LUC7L3: variants seen among roughly 807,000 people sequenced by gnomAD.
The protein encoded by LUC7L3 is LUC7 like 3 pre-mRNA splicing factor, also known as luc7-like protein 3.
In LUC7L3, 6 loss-of-function variants were observed where a neutral mutation model predicts 66.8. The ratio of observed to expected loss-of-function variants is 0.09; its 90% CI spans 0.05 to 0.18. LUC7L3 has a LOEUF of 0.18. Ranked by LOEUF, LUC7L3 falls within the 10% of genes least tolerant of loss-of-function variation. The probability of loss-of-function intolerance (pLI) is 1.00; values close to 1 mark genes in which losing one functional copy is unlikely to be tolerated. For synonymous variants in LUC7L3, 160 were observed against 174.7 expected (o/e 0.92, Z 0.66); for missense variants, 341 against 531.1 (o/e 0.64, Z 3.52).
rs770974392 is a variant in LUC7L3 at position 50,752,158 on chromosome 17, A to G, written c.*1497A>G. 27 of 1,277,750 alleles carry G rather than the reference A, an allele frequency of 2.1e-5. No homozygotes were observed. The highest frequency in any genetic ancestry group is 3.1e-5 in the African/African-American group (2 of 65,296). 79.2% of individuals were successfully genotyped at this position (1,277,750 alleles called of 1,614,324 possible). On this transcript the variant is annotated 3_prime_UTR_variant, in exon 10 of 10. Coordinates refer to ENST00000505658, the MANE Select transcript of LUC7L3 (RefSeq NM_016424.5). ...TTTCTCATAAAAATTGGCCTTTTACATGTTGTCTAATTATCATTTTTCCCC... is the reference window on the plus strand; with the variant it reads ...TTTCTCATAAAAATTGGCCTTTTACGTGTTGTCTAATTATCATTTTTCCCC...
Position 50,741,660 on chromosome 17 carries a change from G to A in LUC7L3, c.355G>A (p.Ala119Thr), listed in dbSNP as rs779663765. ...LSQNQQSSGA[A>T]GPTGKNEEKI... is the part of the protein sequence containing the mutation. Reference sequence around the variant, plus strand: ...TACGTTTTATTGTCTTCAATAGGCCGCTGGCCCAACAGGCAAAAATGAAGA... The same window carrying A: ...TACGTTTTATTGTCTTCAATAGGCCACTGGCCCAACAGGCAAAAATGAAGA... Residue 119 changes from alanine (A) to threonine (T), a missense_variant, in exon 5 of 10, where the codon GCT becomes ACT. Physicochemically the swap from Ala to Thr is moderately conservative, Grantham distance 58 (BLOSUM62 0). This residue lies in a region of LUC7L3 where 86 missense variants were observed against 172.0 expected (regional missense o/e 0.50). Transcript: ENST00000505658. The A allele has an allele frequency of 1.9e-6, 3 of 1,610,936 alleles. No homozygotes were observed. Among genetic ancestry groups the A allele is most frequent in the African/African-American group, 1.3e-5 (1 of 74,836 alleles).
intron 1 of LUC7L3, among the ~76,000 whole-genome samples, chr17:50,729,289 GTCAGAAGCACC>G (rs1185007602): frequency 6.6e-6 from 1 of 152,172 alleles, no homozygotes; most frequent in Non-Finnish European, 1.5e-5. Flanking sequence ...CTTGAACATT[GTCAGAAGCACC>G]TCCTACCTCC....
intron 5 of LUC7L3, 76 bp from the exon 6 acceptor site, chr17:50,743,630 A>T: frequency 1.1e-6 from 1 of 904,484 alleles, no homozygotes; most frequent in Non-Finnish European, 1.8e-6. Flanking sequence ...AACAACCACT[A>T]ATGAACCATG....
chr17:50,751,663 T>C lies in LUC7L3; in HGVS notation c.*1002T>C, dbSNP rs1970979854. 5 of 1,094,102 alleles carry C rather than the reference T, an allele frequency of 4.6e-6. No individual in the cohort carries two copies. The highest frequency in any genetic ancestry group is 4.7e-5 in the Admixed American group (1 of 21,138). 67.8% of individuals were successfully genotyped at this position (1,094,102 alleles called of 1,614,324 possible). ...GCAATTCTCAAGTCTATAAGAGGTA[T>C]GTGCTTAATATTTCCTACTGTGTAG... On this transcript the variant is annotated 3_prime_UTR_variant, in exon 10 of 10. Coordinates refer to ENST00000505658, the MANE Select transcript of LUC7L3 (RefSeq NM_016424.5).
chr17:50,729,009 A>G (rs924282677), intron 1 of LUC7L3, among the ~76,000 whole-genome samples: 14 of 152,202 alleles, frequency 9.2e-5, no homozygotes, highest in African/African-American at 2.7e-4. Flanking sequence ...CTTGGAAACT[A>G]TGACTTCAGT....
At chr17:50,749,172 A>G (rs1287241878) in intron 9 of LUC7L3, 5 of 1,278,000 alleles carry the variant, frequency 3.9e-6, no homozygotes, top group Non-Finnish European at 5.1e-6. Context: ...ATCCACCACA[A>G]ATTGTGGATG....
At position 50,741,125 on chromosome 17, in the gene LUC7L3, T is replaced by C; in HGVS notation, c.230T>C (p.Met77Thr). 6.2e-7 allele frequency: 1 copy of C among 1,614,200 alleles called. No individual in the cohort carries two copies. The highest frequency in any genetic ancestry group is 8.5e-7 in the Non-Finnish European group (1 of 1,180,004). Reference protein sequence around the residue: ...RKQYEKSSRFMKVGYERDFLR... With the variant: ...RKQYEKSSRFTKVGYERDFLR... Reference sequence around the variant, plus strand: ...AGGTATGAGAAGAGCTCTCGTTTCATGAAAGTTGGCTATGAGAGAGATTTT... The same window carrying C: ...AGGTATGAGAAGAGCTCTCGTTTCACGAAAGTTGGCTATGAGAGAGATTTT... The change falls in exon 4 of 10, where the codon ATG becomes ACG. Residue 77 changes from methionine (M) to threonine (T), a missense_variant. Physicochemically the swap from Met to Thr is moderately conservative, Grantham distance 81. This residue lies in a region of LUC7L3 where 86 missense variants were observed against 172.0 expected (regional missense o/e 0.50). Coordinates refer to ENST00000505658, the MANE Select transcript of LUC7L3 (RefSeq NM_016424.5).
intron 1 of LUC7L3, among the ~76,000 whole-genome samples, chr17:50,724,756 CTTTTTT>C (rs58826303): frequency 1.6e-5 from 2 of 128,472 alleles, no homozygotes; most frequent in African/African-American, 2.9e-5. Flanking sequence ...AATATTTTCT[CTTTTTT>C]TTTTTTTTTT....
chr17:50,749,692 T>G (rs575866089), intron 9 of LUC7L3, among the ~76,000 whole-genome samples: 1 of 152,302 alleles, frequency 6.6e-6, no homozygotes, highest in East Asian at 1.9e-4. Context: ...CCAGAAAGTT[T>G]CTAGTTGGCT....
intron 9 of LUC7L3, among the ~76,000 whole-genome samples, chr17:50,747,560 A>G (rs985509964): frequency 5.9e-5 from 9 of 151,968 alleles, no homozygotes; most frequent in Non-Finnish European, 1.2e-4. Flanking sequence ...ACCTGTCTCC[A>G]TGTTTAATCA....
rs538371775 is a variant in LUC7L3, at chr17:50,754,480, T to G, written c.*3819T>G. On this transcript the variant is annotated 3_prime_UTR_variant, in exon 10 of 10. Transcript: ENST00000505658. Reference sequence around the variant, plus strand: ...CCTCTTAAATAACAGTTCATTAGTATAAAACAAATTGGGTAAACTTTTGTT... The same window carrying G: ...CCTCTTAAATAACAGTTCATTAGTAGAAAACAAATTGGGTAAACTTTTGTT... The G allele has an allele frequency of 1.3e-5, 2 of 152,206 alleles. No homozygotes were observed. Among genetic ancestry groups the G allele is most frequent in the African/African-American group, 4.8e-5 (2 of 41,454 alleles). 9.4% of individuals were successfully genotyped at this position (152,206 alleles called of 1,614,324 possible).
chr17:50,727,129 A>G (rs1969248738), intron 1 of LUC7L3, among the ~76,000 whole-genome samples: 1 of 152,202 alleles, frequency 6.6e-6, no homozygotes. Context: ...ATAATATACA[A>G]AATACGTGTT....
At chr17:50,739,123 C>T (rs893472244) in intron 2 of LUC7L3, among the ~76,000 whole-genome samples, 2 of 151,886 alleles carry the variant, frequency 1.3e-5, no homozygotes, top group South Asian at 2.1e-4. Flanking sequence ...GTCCATAAAC[C>T]GAGAAAGAGG....
chr17:50,746,055 CAAT>C (rs778309095), intron 8 of LUC7L3, 52 bp downstream of exon 8: 11 of 1,525,748 alleles, frequency 7.2e-6, no homozygotes, highest in Non-Finnish European at 9.6e-6. Context: ...TGTGCAATAA[CAAT>C]AATAACTACT....
chr17:50,743,537 A>G (rs997001327), intron 5 of LUC7L3, 169 bp from the exon 6 acceptor site: 2 of 552,838 alleles, frequency 3.6e-6, no homozygotes, highest in African/African-American at 3.8e-5. Context: ...CATCAGTTAT[A>G]CTTTATTGAA....
intron 9 of LUC7L3, 55 bp downstream of exon 9, chr17:50,746,757 C>T: frequency 6.7e-7 from 1 of 1,501,364 alleles, no homozygotes. Flanking sequence ...CCTAATCGCC[C>T]CACTCACTTT....
At chr17:50,735,266 C>T (rs183975159) in intron 1 of LUC7L3, among the ~76,000 whole-genome samples, 80 of 150,152 alleles carry the variant, frequency 5.3e-4, no homozygotes, top group African/African-American at 1.8e-3. Context: ...ACTTTCGTGT[C>T]TGTGAGGTTG....
intron 9 of LUC7L3, among the ~76,000 whole-genome samples, chr17:50,747,010 T>G (rs1970707572): frequency 6.6e-6 from 1 of 152,136 alleles, no homozygotes; most frequent in African/African-American, 2.4e-5. Flanking sequence ...TTTATTATAT[T>G]ACCTTGGTTA....
chr17:50,721,119 CTG>C (rs756760325), intron 1 of LUC7L3, among the ~76,000 whole-genome samples: 1 of 151,512 alleles, frequency 6.6e-6, no homozygotes, highest in Non-Finnish European at 1.5e-5. Context: ...CTACCTGACT[CTG>C]TAACCTTTCA....
Sources: gnomAD v4.1 joint callset for allele counts (sites outside exome capture counted in the v4.1 genomes callset) on GRCh38, gnomAD v4.1.1 for gene constraint, gnomAD v4.1.1 regional missense constraint, MANE v1.5 for transcripts, NCBI Gene and HGNC (gene_info 2026-07-23, HGNC 2026-07-21) for gene names.